Variants in ATP5MC2 observed in about 807,000 individuals in gnomAD.
The protein encoded by ATP5MC2 is ATP synthase F(0) complex subunit C2, mitochondrial.
Under a neutral mutation model 13.5 loss-of-function variants are expected in ATP5MC2, and 11 were observed. That is an observed-to-expected ratio of 0.81 (90% CI 0.51 to 1.35). The LOEUF is 1.35. ATP5MC2 is among the 40% of genes most tolerant of loss of function. The pLI, the probability that ATP5MC2 is intolerant of heterozygous loss-of-function variation, is 0.00. For missense variants in ATP5MC2, 132 were observed against 175.0 expected (o/e 0.75, Z 1.39); for synonymous variants, 64 against 69.7 (o/e 0.92, Z 0.41).
At chr12:53,680,485 T>C (rs1945335003), upstream of ATP5MC2, among the ~76,000 whole-genome samples, 1 of 152,186 alleles carries the variant, frequency 6.6e-6, no homozygotes, top group Non-Finnish European at 1.5e-5. Flanking sequence ...GCAGTATGAC[T>C]TCAAGCTAGA....
At chr12:53,675,926 G>A in intron 1 of ATP5MC2, 127 bp downstream of exon 1, 1 of 1,378,604 alleles carries the variant, frequency 7.3e-7, no homozygotes, top group South Asian at 1.4e-5. Context: ...AGGGATAGCG[G>A]AAGCAAGAAA....
chr12:53,669,888 C>G lies in ATP5MC2; in HGVS notation c.100G>C (p.Glu34Gln), dbSNP rs1317113193. 1 of 1,614,044 alleles carries G rather than the reference C, an allele frequency of 6.2e-7. No homozygotes were observed. The change falls in exon 3 of 5, where the codon GAG (glutamate) becomes CAG (glutamine). Residue 34 changes from glutamate (E) to glutamine (Q), a missense_variant. Physicochemically the swap from Glu to Gln is conservative, Grantham distance 29. Coordinates refer to ENST00000394349, the MANE Select transcript of ATP5MC2 (RefSeq NM_005176.7). ...PLSAVVLKRP[E>Q]ILTDESLSSL... The stretch of plus-strand genomic sequence containing the variant: ...TAAGGTACCTCATCTGTCAGTATCT[C>G]CGGTCGTTTCAGCACCACTGCAGAT...
upstream of ATP5MC2, among the ~76,000 whole-genome samples, chr12:53,681,035 TA>T (rs1477570934): frequency 2.9e-3 from 428 of 149,624 alleles, 3 homozygotes; most frequent in African/African-American, 0.01. Flanking sequence ...GCCTCCCAAG[TA>T]GCTGGGACTA....
upstream of ATP5MC2, chr12:53,676,271 G>A: frequency 6.5e-7 from 1 of 1,534,558 alleles, no homozygotes; most frequent in East Asian, 2.5e-5. Context: ...ACTACAGGGA[G>A]CGCCGACTGC....
rs1454805946 is a variant in ATP5MC2 at position 53,669,321 on chromosome 12, G to A, written c.138C>T (p.Val46=). 6.2e-7 allele frequency: 1 copy of A among 1,613,674 alleles called. No homozygotes were observed. Among genetic ancestry groups the A allele is most frequent in the East Asian group, 2.2e-5 (1 of 44,894 alleles). ...LTDESLSSLA[V]SCPLTSLVSS... Reference sequence around the variant, plus strand: ...AGACAAGTGAGGTAAGGGGACATGAGACTGCCAAGCTGCTGAGGCTCTGTG... The same window carrying A: ...AGACAAGTGAGGTAAGGGGACATGAAACTGCCAAGCTGCTGAGGCTCTGTG... The change falls in exon 4 of 5, where the codon GTC becomes GTT. Residue 46 remains valine (V), a synonymous_variant. Transcript: ENST00000394349.
chr12:53,669,371 G>GA (rs1359057433), intron 3 of ATP5MC2, 30 bp from the exon 4 acceptor site: 2 of 1,595,444 alleles, frequency 1.3e-6, no homozygotes, highest in Non-Finnish European at 1.7e-6. Context: ...AGAAGGTAAA[G>GA]TTTTTTGCTT....
intron 2 of ATP5MC2, among the ~76,000 whole-genome samples, chr12:53,670,868 C>T (rs1291620488): frequency 6.6e-6 from 1 of 152,022 alleles, no homozygotes; most frequent in African/African-American, 2.4e-5. Context: ...GGTGATCCAC[C>T]CACCTCGGCT....
At chr12:53,667,952 CACACAT>C (rs1322937538) in intron 4 of ATP5MC2, among the ~76,000 whole-genome samples, 19 of 110,740 alleles carry the variant, frequency 1.7e-4, no homozygotes, top group African/African-American at 6.1e-4. Flanking sequence ...CATACATACA[CACACAT>C]ATATATATAT....
chr12:53,667,519 T>C (rs1395756840), intron 4 of ATP5MC2, among the ~76,000 whole-genome samples: 2 of 151,914 alleles, frequency 1.3e-5, no homozygotes, highest in Non-Finnish European at 2.9e-5. Context: ...TTTTTTGAGA[T>C]GGAGTTTCAC....
At chr12:53,673,426 C>G (rs1468390123) in intron 1 of ATP5MC2, 1 of 152,402 alleles carries the variant, frequency 6.6e-6, no homozygotes, top group East Asian at 1.9e-4. Flanking sequence ...CTCCAACAAT[C>G]TCTTTGCTGA....
In ATP5MC2 at chr12:53,665,371, C is replaced by T. The variant is rs765199065; in HGVS notation, c.369G>A (p.Ser123=). Residue 123 remains serine, a synonymous_variant, in exon 5 of 5, where the codon TCG becomes TCA. Coordinates refer to ENST00000394349, the MANE Select transcript of ATP5MC2 (RefSeq NM_005176.7). The part of the protein sequence containing the change: ...FSYAILGFAL[S]EAMGLFCLMV... The stretch of plus-strand genomic sequence containing the variant: ...TCAGACAAAAGAGCCCCATGGCCTC[C>T]GAGAGGGCAAAGCCCAGAATGGCGT... 18 of 1,613,840 alleles carry T rather than the reference C, an allele frequency of 1.1e-5. No individual in the cohort carries two copies. Among genetic ancestry groups the T allele is most frequent in the East Asian group, 8.9e-5 (4 of 44,896 alleles).
At chr12:53,676,316 C>G, upstream of ATP5MC2, 1 of 1,434,514 alleles carries the variant, frequency 7.0e-7, no homozygotes, top group South Asian at 1.4e-5. Context: ...TAAGCCGATC[C>G]GTAACGTGGA....
intron 2 of ATP5MC2, chr12:53,670,180 T>G: frequency 1.8e-6 from 1 of 557,754 alleles, no homozygotes; most frequent in Non-Finnish European, 3.4e-6. Flanking sequence ...GAAAGTCTAC[T>G]TCCTTTGGGC....
Position 53,665,337 on chromosome 12 carries a change from AG to A in ATP5MC2, c.402del (p.Leu136SerfsTer43). ...CTTCACATGGCAAAGAGGATGAGAA[AG>A]GCTACCATCAGACAAAAGAGCCCCA... ...EAMGLFCLMV[A>X]FLILFAM On this transcript the variant is annotated frameshift_variant, in exon 5 of 5. Transcript: ENST00000394349. LOFTEE classifies it high-confidence loss of function. 6.2e-7 allele frequency: 1 copy of A among 1,612,792 alleles called. No homozygotes were observed. Among genetic ancestry groups the A allele is most frequent in the Non-Finnish European group, 8.5e-7 (1 of 1,179,716 alleles).
At chr12:53,667,954 C>CATATATATATAT (rs1464740488) in intron 4 of ATP5MC2, among the ~76,000 whole-genome samples, 9 of 26,942 alleles carry the variant, frequency 3.3e-4, no homozygotes, top group South Asian at 3.6e-3. Flanking sequence ...TACATACACA[C>CATATATATATAT]ACATATATAT....
At chr12:53,676,859 C>G (rs1484923714), upstream of ATP5MC2, 1 of 148,510 alleles carries the variant, frequency 6.7e-6, no homozygotes. Flanking sequence ...CTCTCCTGAA[C>G]GTGGGTTTTC....
intron 2 of ATP5MC2, 121 bp from the exon 3 acceptor site, chr12:53,670,069 T>C (rs1314560182): frequency 3.6e-6 from 3 of 838,768 alleles, no homozygotes; most frequent in South Asian, 1.4e-5. Flanking sequence ...CTTTCCATCT[T>C]CACATGTACG....
upstream of ATP5MC2, chr12:53,676,295 A>C (rs1945273132): frequency 1.3e-6 from 2 of 1,524,272 alleles, no homozygotes; most frequent in Admixed American, 2.0e-5. Flanking sequence ...AATGAGGCCA[A>C]CTCCGCGGAG....
At position 53,666,062 on chromosome 12, in the gene ATP5MC2, C is replaced by T. The variant is rs558866875; in HGVS notation, c.312-634G>A. ...GTGGCTCACACCTGTAATCCCAGCA[C>T]TTTGGGAGGCCAAAGCAGGCGGATC... On this transcript the variant is annotated intron_variant, in intron 4 of 4. Coordinates refer to ENST00000394349, the MANE Select transcript of ATP5MC2 (RefSeq NM_005176.7). Among the ~76,000 whole-genome samples, 47 of 152,342 alleles carry T rather than the reference C, an allele frequency of 3.1e-4. 1 individual carries two copies. The highest frequency in any genetic ancestry group is 9.6e-4 in the African/African-American group (40 of 41,576).
Sources: gnomAD v4.1 joint callset for allele counts (sites outside exome capture counted in the v4.1 genomes callset) on GRCh38, gnomAD v4.1.1 for gene constraint, MANE v1.5 for transcripts, NCBI Gene and HGNC (gene_info 2026-07-23, HGNC 2026-07-21) for gene names.